Variants in SEMA6A observed in about 807,000 individuals in gnomAD.
SEMA6A encodes semaphorin 6A, also known as semaphorin-6A.
SEMA6A carries 25 observed loss-of-function variants against 96.8 expected under a neutral mutation model. The observed-to-expected ratio is 0.26, with a 90% confidence interval of 0.19 to 0.36. The LOEUF (loss-of-function observed/expected upper bound fraction) is 0.36, where lower values mean the gene tolerates loss of function less well. SEMA6A is among the 10% of genes least tolerant of loss of function. The pLI, the probability that SEMA6A is intolerant of heterozygous loss-of-function variation, is 1.00. For synonymous variants in SEMA6A, 612 were observed against 518.0 expected, an observed-to-expected ratio of 1.18 and a Z score of -2.46; for missense variants, 1,363 against 1,323.1, an observed-to-expected ratio of 1.03 and a Z score of -0.47.
intron 18 of SEMA6A, among the ~76,000 whole-genome samples, chr5:116,451,884 G>T (rs925506683): frequency 7.2e-5 from 11 of 151,988 alleles, no homozygotes; most frequent in Non-Finnish European, 1.3e-4. Flanking sequence ...AATGAAATTA[G>T]TTCTGGGAAA....
At chr5:116,547,694 G>A (rs1760238031) in intron 1 of SEMA6A, among the ~76,000 whole-genome samples, 1 of 125,236 alleles carries the variant, frequency 8.0e-6, no homozygotes, top group South Asian at 2.7e-4. Context: ...TAAACCAGGG[G>A]ATAAAATCCA....
At chr5:116,499,865 A>G (rs1421554395) in intron 3 of SEMA6A, among the ~76,000 whole-genome samples, 3 of 152,204 alleles carry the variant, frequency 2.0e-5, no homozygotes, top group Non-Finnish European at 4.4e-5. Context: ...CCTTGCTCCT[A>G]ACACTCATGT....
chr5:116,509,339 C>T (rs1392274846), intron 1 of SEMA6A, among the ~76,000 whole-genome samples: 1 of 152,124 alleles, frequency 6.6e-6, no homozygotes, highest in Non-Finnish European at 1.5e-5. Flanking sequence ...CACTTACTAC[C>T]ATGTTTCAGT....
At chr5:116,465,889 A>C (rs26583) in intron 18 of SEMA6A, among the ~76,000 whole-genome samples, 1 of 152,150 alleles carries the variant, frequency 6.6e-6, no homozygotes, top group African/African-American at 2.4e-5. Flanking sequence ...CTTCTTGAGA[A>C]TACAGTCAGG....
At chr5:116,477,770 G>C in intron 15 of SEMA6A, 76 bp downstream of exon 15, 2 of 1,416,706 alleles carry the variant, frequency 1.4e-6, no homozygotes, top group South Asian at 1.2e-5. Context: ...GTGTGTGTGA[G>C]CAGAGCAAAT....
intron 1 of SEMA6A, among the ~76,000 whole-genome samples, chr5:116,523,449 C>T (rs1759059334): frequency 6.6e-6 from 1 of 152,044 alleles, no homozygotes; most frequent in Non-Finnish European, 1.5e-5. Flanking sequence ...GAGTCTGAGA[C>T]TACAGGCACG....
chr5:116,545,736 C>T (rs1453890910), intron 1 of SEMA6A, among the ~76,000 whole-genome samples: 1 of 152,182 alleles, frequency 6.6e-6, no homozygotes, highest in Non-Finnish European at 1.5e-5. Flanking sequence ...TTTCTAATAC[C>T]ACCTAGTGGG....
intron 1 of SEMA6A, among the ~76,000 whole-genome samples, chr5:116,559,513 C>G (rs554249842): frequency 3.3e-5 from 5 of 152,236 alleles, no homozygotes; most frequent in African/African-American, 9.6e-5. Context: ...TAGGCCTCAG[C>G]CCGCCTGGGC....
At chr5:116,495,541 A>G (rs1327585735) in intron 5 of SEMA6A, 27 bp from the exon 6 acceptor site, 4 of 1,481,522 alleles carry the variant, frequency 2.7e-6, no homozygotes, top group African/African-American at 2.8e-5. Context: ...ACTGTTTTGT[A>G]TCATGTCCAT....
chr5:116,541,047 T>C (rs1759940723), intron 1 of SEMA6A, among the ~76,000 whole-genome samples: 1 of 152,204 alleles, frequency 6.6e-6, no homozygotes, highest in African/African-American at 2.4e-5. Context: ...CACTTGATAC[T>C]ATTTGGAAGA....
At chr5:116,571,738 A>T (rs940620405) in intron 1 of SEMA6A, among the ~76,000 whole-genome samples, 1 of 152,244 alleles carries the variant, frequency 6.6e-6, no homozygotes, top group African/African-American at 2.4e-5. Flanking sequence ...GGTTAGGTTA[A>T]TAATTAACTT....
intron 1 of SEMA6A, among the ~76,000 whole-genome samples, chr5:116,517,277 A>T (rs1451310313): frequency 6.8e-6 from 1 of 147,746 alleles, no homozygotes; most frequent in Admixed American, 7.0e-5. Flanking sequence ...TTACTTTTCC[A>T]AAATCTAAAA....
At position 116,489,010 on chromosome 5, in the gene SEMA6A, TAGAAGA is replaced by T. The variant is rs1757201716; in HGVS notation, c.536-9_536-4del. 1 of 1,559,504 alleles carries T rather than the reference TAGAAGA, an allele frequency of 6.4e-7. No homozygotes were observed. Among genetic ancestry groups the T allele is most frequent in the Non-Finnish European group, 8.7e-7 (1 of 1,150,838 alleles). ...TGTGGCTGAGTATAGTTTTCCATCT[TAGAAGA>T]AAAAGAAAAGAGGTGAACAGGGTGG... On this transcript the variant is annotated splice_region_variant and splice_polypyrimidine_tract_variant and intron_variant, in intron 7 of 18. Transcript: ENST00000343348.
chr5:116,531,428 A>G (rs1759471372), intron 1 of SEMA6A, among the ~76,000 whole-genome samples: 1 of 152,050 alleles, frequency 6.6e-6, no homozygotes, highest in Non-Finnish European at 1.5e-5. Flanking sequence ...CCCGGGCCCA[A>G]TCTACCTTGT....
intron 18 of SEMA6A, among the ~76,000 whole-genome samples, chr5:116,466,269 T>A (rs1344505212): frequency 3.3e-5 from 5 of 151,188 alleles, no homozygotes; most frequent in Admixed American, 2.6e-4. Flanking sequence ...TCCCAGCTAC[T>A]TGGGAAGCTG....
intron 13 of SEMA6A, 43 bp from the exon 14 acceptor site, chr5:116,478,197 C>T: frequency 6.3e-7 from 1 of 1,597,148 alleles, no homozygotes; most frequent in Non-Finnish European, 8.5e-7. Flanking sequence ...AGACTCTTCT[C>T]TTTTTCTCGG....
chr5:116,520,105 C>G (rs1283121821), intron 1 of SEMA6A, among the ~76,000 whole-genome samples: 1 of 152,160 alleles, frequency 6.6e-6, no homozygotes, highest in Admixed American at 6.5e-5. Flanking sequence ...TCTGTTCCAG[C>G]CCCTGTGCCT....
At position 116,447,189 on chromosome 5, in the gene SEMA6A, G is replaced by A; in HGVS notation, c.2517C>T (p.Ala839=). ...YVDQPKMSEV[A]QMALEDQAAT... ...CGGCCTGGTCCTCCAGCGCCATCTG[G>A]GCCACCTCGCTCATTTTGGGCTGGT... Residue 839 remains alanine, a synonymous_variant, in exon 19 of 19, where the codon GCC becomes GCT. Transcript: ENST00000343348. 8.1e-6 allele frequency: 13 copies of A among 1,614,030 alleles called. No individual in the cohort carries two copies. The highest frequency in any genetic ancestry group is 1.1e-5 in the Non-Finnish European group (13 of 1,179,902).
At chr5:116,551,962 T>C (rs1760433732) in intron 1 of SEMA6A, among the ~76,000 whole-genome samples, 1 of 152,226 alleles carries the variant, frequency 6.6e-6, no homozygotes, top group Non-Finnish European at 1.5e-5. Flanking sequence ...ACAAGGATTC[T>C]CCTGAGAACC....
Sources: gnomAD v4.1 joint callset for allele counts (sites outside exome capture counted in the v4.1 genomes callset) on GRCh38, gnomAD v4.1.1 for gene constraint, MANE v1.5 for transcripts, NCBI Gene and HGNC (gene_info 2026-07-23, HGNC 2026-07-21) for gene names.